Variants in TVP23C observed in about 807,000 individuals in gnomAD.
TVP23C encodes the protein Golgi apparatus membrane protein TVP23 homolog C.
Under a neutral mutation model 28.7 loss-of-function variants are expected in TVP23C, and 19 were observed. The observed-to-expected ratio is 0.66, with a 90% CI of 0.46 to 0.97. The LOEUF (loss-of-function observed/expected upper bound fraction) is 0.97, where lower values mean the gene tolerates loss of function less well. Ranked by LOEUF, TVP23C falls within the 50% of genes least tolerant of loss-of-function variation. The pLI is 0.00. For missense variants in TVP23C, 186 were observed against 241.3 expected, an observed-to-expected ratio of 0.77 and a Z score of 1.52; for synonymous variants, 68 against 81.7, an observed-to-expected ratio of 0.83 and a Z score of 0.90.
chr17:15,503,204 C>A, exon 6 of TVP23C: 1 of 1,551,462 alleles, frequency 6.4e-7, no homozygotes, highest in Non-Finnish European at 8.7e-7. Flanking sequence ...GACTTTCAGA[C>A]CAGTCTGGGC....
rs1188499018 is a variant in TVP23C at position 15,538,634 on chromosome 17, T to C, written c.*1778A>G. 2.0e-6 allele frequency: 2 copies of C among 984,854 alleles called. No homozygotes were observed. Among genetic ancestry groups the C allele is most frequent in the African/African-American group, 3.5e-5 (2 of 57,142 alleles). 61.0% of individuals were successfully genotyped at this position (984,854 alleles called of 1,614,324 possible). On this transcript the variant is annotated 3_prime_UTR_variant, in exon 6 of 6. Coordinates refer to ENST00000518321, the MANE Select transcript of TVP23C (RefSeq NM_001135036.2). ...AAAAAGTAGACATGCGCTAATGAAG[T>C]AAATCCATGGATACCATCATCCACC...
chr17:15,551,396 G>A (rs1039764952), intron 3 of TVP23C, among the ~76,000 whole-genome samples: 1 of 151,452 alleles, frequency 6.6e-6, no homozygotes, highest in Admixed American at 6.6e-5. Flanking sequence ...ATGAGCCACC[G>A]CGCCCAGCCA....
chr17:15,544,982 A>G (rs1190953797), intron 5 of TVP23C, among the ~76,000 whole-genome samples: 1 of 152,210 alleles, frequency 6.6e-6, no homozygotes, highest in Non-Finnish European at 1.5e-5. Flanking sequence ...ATAAGATAGA[A>G]TAAGAAAAAA....
At chr17:15,549,431 T>TTAAGATAC (rs1983791306) in intron 3 of TVP23C, among the ~76,000 whole-genome samples, 1 of 152,050 alleles carries the variant, frequency 6.6e-6, no homozygotes, top group Admixed American at 6.6e-5. Context: ...TTTACACATG[T>TTAAGATAC]TAAGATATAA....
In TVP23C at chr17:15,559,953, AG is replaced by A. The variant is rs572785911; in HGVS notation, c.12+3483del. On this transcript the variant is annotated intron_variant, in intron 1 of 5. Transcript: ENST00000518321. The stretch of plus-strand genomic sequence containing the variant: ...ACCAAGGAACATAAGGTGAGCCAGG[AG>A]GGGGTAGTGTCCTGGAAACCAAACA... 3.3e-5 allele frequency among the ~76,000 whole-genome samples: 5 copies of A among 149,580 alleles called. 1 individual carries two copies. In the South Asian group the frequency reaches 1.1e-3, roughly 32 times the overall value.
At chr17:15,526,908 C>T (rs531281568) in intron 5 of TVP23C, among the ~76,000 whole-genome samples, 45 of 152,046 alleles carry the variant, frequency 3.0e-4, no homozygotes, top group Non-Finnish European at 2.8e-4. Flanking sequence ...AGTAAGTTAC[C>T]GGCTCATAAA....
At chr17:15,561,562 G>C (rs1984389244) in intron 1 of TVP23C, among the ~76,000 whole-genome samples, 1 of 151,998 alleles carries the variant, frequency 6.6e-6, no homozygotes, top group African/African-American at 2.4e-5. Flanking sequence ...TCACACCATT[G>C]TACTCCAGCC....
chr17:15,507,235 A>G (rs1221689652), intron 5 of TVP23C: 5 of 736,218 alleles, frequency 6.8e-6, no homozygotes, highest in Non-Finnish European at 9.9e-6. Context: ...AATGGGAAGC[A>G]GGTGGTCTCT....
chr17:15,504,569 AT>A (rs35169392), intron 5 of TVP23C, among the ~76,000 whole-genome samples: 2 of 151,546 alleles, frequency 1.3e-5, no homozygotes, highest in South Asian at 2.1e-4. Context: ...AATAAAGACA[AT>A]TTTTTTTTAA....
chr17:15,555,404 T>G lies in TVP23C; in HGVS notation c.13-40A>C, dbSNP rs768294060. Reference sequence around the variant, plus strand: ...AAATGGTCAAGAAGCAAAACAAAATTCAGTGTTTACACAGCCACTGCAATG... The same window carrying G: ...AAATGGTCAAGAAGCAAAACAAAATGCAGTGTTTACACAGCCACTGCAATG... On this transcript the variant is annotated intron_variant, in intron 1 of 5. Coordinates refer to ENST00000518321, the MANE Select transcript of TVP23C (RefSeq NM_001135036.2). The G allele has an allele frequency of 4.3e-6, 7 of 1,613,682 alleles. No individual in the cohort carries two copies. In the South Asian group the frequency reaches 6.6e-5, roughly 15 times the overall value.
In TVP23C at chr17:15,539,044, TAAGTA is replaced by T. The variant is rs1304211205; in HGVS notation, c.*1363_*1367del. 1 of 985,040 alleles carries T rather than the reference TAAGTA, an allele frequency of 1.0e-6. No individual in the cohort carries two copies. Among genetic ancestry groups the T allele is most frequent in the African/African-American group, 1.7e-5 (1 of 57,212 alleles). 61.0% of individuals were successfully genotyped at this position (985,040 alleles called of 1,614,324 possible). On this transcript the variant is annotated 3_prime_UTR_variant, in exon 6 of 6. Coordinates refer to ENST00000518321, the MANE Select transcript of TVP23C (RefSeq NM_001135036.2). Reference sequence around the variant, plus strand: ...TGTACCACTATTAGCTGTATAATCTTAAGTAAATAATTTAATTTCTCGGGGCTTTA... The same window carrying T: ...TGTACCACTATTAGCTGTATAATCTTAATAATTTAATTTCTCGGGGCTTTA...
downstream of TVP23C, among the ~76,000 whole-genome samples, chr17:15,535,185 C>T (rs1983106369): frequency 6.6e-6 from 1 of 151,984 alleles, no homozygotes. Context: ...ATAATGTAAT[C>T]TTAACACTCC....
At position 15,563,428 on chromosome 17, in the gene TVP23C, G is replaced by C. The variant is rs1292544586; in HGVS notation, c.12+9C>G. 1 of 1,593,600 alleles carries C rather than the reference G, an allele frequency of 6.3e-7. No individual in the cohort carries two copies. Among genetic ancestry groups the C allele is most frequent in the South Asian group, 1.1e-5 (1 of 87,616 alleles). ...CCGCCACCCTCCCAGCGCGCCCTCA[G>C]CCCCTCACCTGCTGCAACATGGCGG... On this transcript the variant is annotated intron_variant, in intron 1 of 5. Coordinates refer to ENST00000518321, the MANE Select transcript of TVP23C (RefSeq NM_001135036.2).
At chr17:15,502,950 C>G (rs779115373) in exon 6 of TVP23C, 1 of 1,614,112 alleles carries the variant, frequency 6.2e-7, no homozygotes, top group South Asian at 1.1e-5. Flanking sequence ...CCCCTCCAGG[C>G]CCAAAGCCGC....
At chr17:15,503,477 G>A (rs890374402) in intron 5 of TVP23C, 4 of 366,482 alleles carry the variant, frequency 1.1e-5, no homozygotes, top group Admixed American at 8.8e-5. Context: ...AACAGTGAAG[G>A]GGACTGAAGA....
chr17:15,509,887 T>C (rs1381282046), intron 5 of TVP23C, among the ~76,000 whole-genome samples: 4 of 152,246 alleles, frequency 2.6e-5, no homozygotes, highest in Non-Finnish European at 4.4e-5. Flanking sequence ...AGGCAGACTG[T>C]AAGTTCCTTG....
exon 6 of TVP23C, chr17:15,503,103 G>C: frequency 6.2e-7 from 1 of 1,614,058 alleles, no homozygotes; most frequent in African/African-American, 1.3e-5. Flanking sequence ...TCTACCTGAT[G>C]AAACTTCCTC....
intron 5 of TVP23C, among the ~76,000 whole-genome samples, chr17:15,529,687 C>T (rs896575703): frequency 1.4e-4 from 21 of 152,142 alleles, no homozygotes; most frequent in Non-Finnish European, 2.8e-4. Context: ...TTGATTGCTG[C>T]TTGCATGGTA....
intron 5 of TVP23C, among the ~76,000 whole-genome samples, chr17:15,505,371 GGCAGTGAC>G (rs1396010898): frequency 6.6e-6 from 1 of 152,202 alleles, no homozygotes; most frequent in African/African-American, 2.4e-5. Flanking sequence ...ACCAGTCTCA[GGCAGTGAC>G]GCCTACTGGT....
Sources: allele counts gnomAD v4.1 joint callset (sites outside exome capture counted in the v4.1 genomes callset), GRCh38; gene constraint gnomAD v4.1.1; transcripts MANE v1.5; gene names NCBI Gene and HGNC (gene_info 2026-07-23, HGNC 2026-07-21).